The following ABAT variants were observed in gnomAD, a reference collection of about 807,000 sequenced individuals.
The protein encoded by ABAT is 4-aminobutyrate aminotransferase, mitochondrial.
In ABAT, 45 loss-of-function variants were observed where a neutral mutation model predicts 64.6. That is an observed-to-expected ratio of 0.70 (90% CI 0.55 to 0.89). The LOEUF (loss-of-function observed/expected upper bound fraction) is 0.89. Ranked by LOEUF, ABAT falls within the 40% of genes least tolerant of loss-of-function variation. ABAT has a pLI of 0.00. For missense variants in ABAT, 633 were observed against 658.4 expected, an observed-to-expected ratio of 0.96 and a Z score of 0.42; for synonymous variants, 297 against 250.5, an observed-to-expected ratio of 1.19 and a Z score of -1.75.
intron 1 of ABAT, among the ~76,000 whole-genome samples, chr16:8,680,369 T>C (rs2057303401): frequency 6.6e-6 from 1 of 152,252 alleles, no homozygotes; most frequent in Admixed American, 6.5e-5. Context: ...AAGTATTTTT[T>C]AAATTGGGGT....
intron 1 of ABAT, among the ~76,000 whole-genome samples, chr16:8,722,341 C>G (rs988772144): frequency 2.0e-5 from 3 of 152,148 alleles, no homozygotes; most frequent in Non-Finnish European, 2.9e-5. Flanking sequence ...ACAGGGGTTT[C>G]ACTATGTTAG....
chr16:8,780,805 A>G, intron 15 of ABAT: 1 of 179,922 alleles, frequency 5.6e-6, no homozygotes, highest in Non-Finnish European at 1.0e-5. Context: ...TCGACAAGGA[A>G]AGGACACCAG....
At chr16:8,769,965 T>A (rs1189532852) in intron 11 of ABAT, among the ~76,000 whole-genome samples, 2 of 152,150 alleles carry the variant, frequency 1.3e-5, no homozygotes, top group African/African-American at 4.8e-5. Context: ...AGGTGCTAGG[T>A]GCTGGGTATT....
At chr16:8,730,502 C>A (rs749329874) in intron 1 of ABAT, among the ~76,000 whole-genome samples, 8 of 152,172 alleles carry the variant, frequency 5.3e-5, no homozygotes, top group Non-Finnish European at 1.2e-4. Flanking sequence ...CCTGTCATTC[C>A]TCCTTGCCCT....
At chr16:8,780,906 G>A in intron 15 of ABAT, 1 of 478,844 alleles carries the variant, frequency 2.1e-6, no homozygotes, top group Non-Finnish European at 3.8e-6. Flanking sequence ...GACTCAGCCT[G>A]TGCTTTTGCA....
intron 2 of ABAT, among the ~76,000 whole-genome samples, chr16:8,740,525 A>G (rs1194333249): frequency 6.6e-6 from 1 of 152,160 alleles, no homozygotes; most frequent in African/African-American, 2.4e-5. Context: ...AGCCGCTTAC[A>G]ATGTGGCAAC....
At chr16:8,675,076 G>A (rs2057164421) in intron 1 of ABAT, among the ~76,000 whole-genome samples, 1 of 152,056 alleles carries the variant, frequency 6.6e-6, no homozygotes, top group South Asian at 2.1e-4. Flanking sequence ...CTAAGTTTGG[G>A]TGTCTTCCTT....
At chr16:8,698,672 C>T (rs532760483) in intron 1 of ABAT, among the ~76,000 whole-genome samples, 22 of 151,116 alleles carry the variant, frequency 1.5e-4, no homozygotes, top group African/African-American at 1.9e-4. Flanking sequence ...TGGCAGGGCA[C>T]GGTGGCTTAT....
chr16:8,743,423 T>TATATATATATATATATATATA (rs1555489308), intron 2 of ABAT, among the ~76,000 whole-genome samples: 3 of 45,296 alleles, frequency 6.6e-5, no homozygotes, highest in East Asian at 6.3e-4. Flanking sequence ...ATGGAAACAG[T>TATATATATATATATATATATA]TATATATATA....
At chr16:8,763,251 C>T (rs889946310) in intron 6 of ABAT, among the ~76,000 whole-genome samples, 1 of 152,118 alleles carries the variant, frequency 6.6e-6, no homozygotes, top group Admixed American at 6.5e-5. Flanking sequence ...TGTGGTTCTG[C>T]CCCTTCTTGG....
chr16:8,779,276 C>T (rs1288876453), intron 14 of ABAT, among the ~76,000 whole-genome samples: 1 of 151,984 alleles, frequency 6.6e-6, no homozygotes, highest in Non-Finnish European at 1.5e-5. Flanking sequence ...TGGTTTTTTT[C>T]CTCCACACAA....
chr16:8,686,296 C>T (rs2057454704), intron 1 of ABAT, among the ~76,000 whole-genome samples: 1 of 152,228 alleles, frequency 6.6e-6, no homozygotes, highest in Non-Finnish European at 1.5e-5. Flanking sequence ...CATCCTGCCC[C>T]AGCCCTAAGT....
intron 1 of ABAT, among the ~76,000 whole-genome samples, chr16:8,687,920 CA>C (rs1467834173): frequency 6.0e-5 from 9 of 150,956 alleles, no homozygotes; most frequent in Non-Finnish European, 1.0e-4. Flanking sequence ...TTTTAAGAGA[CA>C]GGGGTCTCAC....
In ABAT at chr16:8,740,386, G is replaced by A. The variant is rs531007894; in HGVS notation, c.70+4577G>A. 1.6e-4 allele frequency among the ~76,000 whole-genome samples: 24 copies of A among 152,340 alleles called. No homozygotes were observed. In the South Asian group the frequency reaches 5.0e-3, roughly 32 times the overall value. On this transcript the variant is annotated intron_variant, in intron 2 of 15. Transcript: ENST00000268251. ...GTCAGCTGGGGCTGTGGTCTCATATGATGGCTCAACTTGGCGGTTGGACGA... is the reference window on the plus strand; with the variant it reads ...GTCAGCTGGGGCTGTGGTCTCATATAATGGCTCAACTTGGCGGTTGGACGA...
intron 1 of ABAT, among the ~76,000 whole-genome samples, chr16:8,725,039 C>G (rs1025838266): frequency 1.3e-5 from 2 of 151,950 alleles, no homozygotes; most frequent in Non-Finnish European, 2.9e-5. Context: ...GCCTCAGCCT[C>G]CAAAGTAGCT....
chr16:8,781,769 G>T lies in ABAT; in HGVS notation c.*339G>T. On this transcript the variant is annotated 3_prime_UTR_variant, in exon 16 of 16. Coordinates refer to ENST00000268251, the MANE Select transcript of ABAT (RefSeq NM_020686.6). The surrounding 1 kb of genome is among the most constrained non-coding windows in gnomAD (Gnocchi z 4.5). ...CAATTTTTCCAAAAGCCAGTCAAGGGCATTACATTTGTTCCTGGGACTGGC... is the reference window on the plus strand; with the variant it reads ...CAATTTTTCCAAAAGCCAGTCAAGGTCATTACATTTGTTCCTGGGACTGGC... The T allele has an allele frequency of 2.5e-6, 1 of 402,358 alleles. No individual in the cohort carries two copies. 24.9% of individuals were successfully genotyped at this position (402,358 alleles called of 1,614,324 possible). A position where few individuals can be genotyped will look rare whatever the true frequency, so the allele number is the denominator to read the frequency against.
chr16:8,778,824 T>C (rs557455427), intron 14 of ABAT, among the ~76,000 whole-genome samples: 3 of 151,926 alleles, frequency 2.0e-5, no homozygotes, highest in African/African-American at 7.2e-5. Flanking sequence ...TTAGGGGCCA[T>C]TCTAATGCAG....
chr16:8,713,514 A>G (rs112928388), intron 1 of ABAT: 2,797 of 195,818 alleles, frequency 0.014, 88 homozygotes, highest in African/African-American at 0.062. Context: ...CTGTCTGAAA[A>G]CCCTTGTCTT....
intron 1 of ABAT, among the ~76,000 whole-genome samples, chr16:8,679,278 C>G (rs768392773): frequency 2.6e-5 from 4 of 152,168 alleles, no homozygotes; most frequent in Admixed American, 2.6e-4. Flanking sequence ...TGAAATTCAG[C>G]TTTGAGTTTG....
Sources: gnomAD v4.1 joint callset for allele counts (sites outside exome capture counted in the v4.1 genomes callset) on GRCh38, gnomAD v4.1.1 for gene constraint, Gnocchi (gnomAD v3.1) non-coding constraint, MANE v1.5 for transcripts, NCBI Gene and HGNC (gene_info 2026-07-23, HGNC 2026-07-21) for gene names.